The following ZNG1A variants were observed in gnomAD, a reference collection of about 807,000 sequenced individuals.
The protein encoded by ZNG1A is Zn regulated GTPase metalloprotein activator 1A.
At chr9:139,076 C>T in the ZNG1A span, among the ~76,000 whole-genome samples, 24 of 147,930 alleles carry the variant, frequency 1.6e-4, no homozygotes, top group Non-Finnish European at 3.1e-4. Flanking sequence ...ACGAGATATT[C>T]ACTGCAGCAT....
chr9:177,862 T>A, the ZNG1A span: 1 of 1,369,296 alleles, frequency 7.3e-7, no homozygotes, highest in Non-Finnish European at 1.0e-6. Context: ...ATAAAATTAC[T>A]TCCGAGCAAA....
chr9:176,390 ATTTC>A, the ZNG1A span, among the ~76,000 whole-genome samples: 1 of 144,100 alleles, frequency 6.9e-6, no homozygotes, highest in South Asian at 2.2e-4. Context: ...TGACTATATC[ATTTC>A]TTTATCTTTT....
the ZNG1A span, among the ~76,000 whole-genome samples, chr9:158,371 C>A: frequency 6.6e-6 from 1 of 151,680 alleles, no homozygotes; most frequent in Non-Finnish European, 1.5e-5. Flanking sequence ...AAGGCATCTG[C>A]CTCTGAATGA....
At chr9:169,854 CT>C in the ZNG1A span, among the ~76,000 whole-genome samples, 8,003 of 53,984 alleles carry the variant, frequency 0.15, 212 homozygotes, top group Middle Eastern at 0.16. Flanking sequence ...ATAAACACAG[CT>C]TTTTTTTTTT....
At chr9:143,266 C>A in the ZNG1A span, among the ~76,000 whole-genome samples, 1 of 148,960 alleles carries the variant, frequency 6.7e-6, no homozygotes, top group Admixed American at 6.7e-5. Context: ...GACCAATATC[C>A]TTGATGAACA....
the ZNG1A span, among the ~76,000 whole-genome samples, chr9:178,106 A>G: frequency 2.0e-5 from 3 of 151,140 alleles, no homozygotes; most frequent in Non-Finnish European, 2.9e-5. Context: ...GTTTAAAAAT[A>G]TATTTCTCAA....
At chr9:162,331 T>C in the ZNG1A span, 7 of 1,169,820 alleles carry the variant, frequency 6.0e-6, no homozygotes, top group Non-Finnish European at 8.1e-6. Flanking sequence ...AAGGTTTTTG[T>C]TAAAGAAAAT....
At chr9:160,944 T>C in the ZNG1A span, among the ~76,000 whole-genome samples, 600 of 151,076 alleles carry the variant, frequency 4.0e-3, 7 homozygotes, top group Middle Eastern at 6.8e-3. Flanking sequence ...GAAACTGTAA[T>C]ACTGTATTTG....
At chr9:147,110 G>GGAGGTTGCAGTGAGCC in the ZNG1A span, 4 of 149,876 alleles carry the variant, frequency 2.7e-5, no homozygotes, top group Non-Finnish European at 5.9e-5. Context: ...CCCAGGAAGT[G>GGAGGTTGCAGTGAGCC]GAGGTTGCAG....
At chr9:142,041 C>G in the ZNG1A span, among the ~76,000 whole-genome samples, 108,576 of 134,302 alleles carry the variant, frequency 0.81, 44,759 homozygotes, top group African/African-American at 0.95. Flanking sequence ...GATTCATAAA[C>G]CAAGTCCTGA....
chr9:163,695 T>C, the ZNG1A span, among the ~76,000 whole-genome samples: 3 of 151,706 alleles, frequency 2.0e-5, no homozygotes, highest in African/African-American at 7.3e-5. Context: ...GGCTGGCGGA[T>C]CACCTGAAGT....
At chr9:154,062 C>CT in the ZNG1A span, 1 of 152,106 alleles carries the variant, frequency 6.6e-6, no homozygotes, top group Non-Finnish European at 1.5e-5. Flanking sequence ...AGCAAAATGA[C>CT]TGTTAGCACA....
chr9:170,268 G>A, the ZNG1A span, among the ~76,000 whole-genome samples: 2 of 151,580 alleles, frequency 1.3e-5, no homozygotes, highest in African/African-American at 4.9e-5. Context: ...CTGAGGCTGA[G>A]GCTGCCATTC....
chr9:141,797 A>G, the ZNG1A span, among the ~76,000 whole-genome samples: 5 of 152,190 alleles, frequency 3.3e-5, no homozygotes, highest in Non-Finnish European at 7.3e-5. Context: ...CAGGAAACCC[A>G]TCTCACGTGC....
the ZNG1A span, chr9:172,813 C>T: frequency 5.9e-6 from 1 of 168,088 alleles, no homozygotes. Context: ...TATTTGAGTG[C>T]TACTATGTGT....
At chr9:152,312 A>G in the ZNG1A span, among the ~76,000 whole-genome samples, 1 of 152,206 alleles carries the variant, frequency 6.6e-6, no homozygotes, top group Non-Finnish European at 1.5e-5. Context: ...CATATATGCA[A>G]AAATTCGCAC....
the ZNG1A span, among the ~76,000 whole-genome samples, chr9:152,592 A>G: frequency 6.6e-6 from 1 of 151,684 alleles, no homozygotes; most frequent in East Asian, 1.9e-4. Context: ...CCTTTATAGA[A>G]TAACCTCGTC....
the ZNG1A span, among the ~76,000 whole-genome samples, chr9:141,166 A>C: frequency 6.5e-5 from 9 of 139,146 alleles, no homozygotes; most frequent in Admixed American, 2.2e-4. Context: ...GCAGGCCAAC[A>C]TTCAGATTCA....
chr9:147,409 A>T, the ZNG1A span: 1 of 98,650 alleles, frequency 1.0e-5, no homozygotes, highest in East Asian at 2.3e-4. Flanking sequence ...CCTTTATCTT[A>T]GGACTGACCA....
Sources: gnomAD v4.1 joint callset for allele counts (sites outside exome capture counted in the v4.1 genomes callset) on GRCh38, gnomAD v4.1.1 for gene constraint, MANE v1.5 for transcripts, NCBI Gene and HGNC (gene_info 2026-07-23, HGNC 2026-07-21) for gene names.